CNTNAP4: variants seen among roughly 807,000 people sequenced by gnomAD.
The protein encoded by CNTNAP4 is contactin associated protein family member 4, also known as contactin-associated protein-like 4.
CNTNAP4 carries 98 observed loss-of-function variants against 148.4 expected under a neutral mutation model. The observed-to-expected ratio is 0.66, with a 90% CI of 0.56 to 0.78. The LOEUF (loss-of-function observed/expected upper bound fraction) is 0.78. CNTNAP4 is among the 30% of genes least tolerant of loss of function. The pLI, the probability that CNTNAP4 is intolerant of heterozygous loss-of-function variation, is 0.00. For missense variants in CNTNAP4, 1,935 were observed against 1,565.6 expected, an observed-to-expected ratio of 1.24 and a Z score of -3.98; for synonymous variants, 730 against 565.1, an observed-to-expected ratio of 1.29 and a Z score of -4.14.
chr16:76,483,771 G>T (rs1365154928), intron 12 of CNTNAP4, among the ~76,000 whole-genome samples: 1 of 152,134 alleles, frequency 6.6e-6, no homozygotes, highest in East Asian at 1.9e-4. Flanking sequence ...CAGCTCTAAC[G>T]GGGTATGTGA....
intron 2 of CNTNAP4, among the ~76,000 whole-genome samples, chr16:76,323,291 A>G (rs1485922763): frequency 6.6e-6 from 1 of 151,752 alleles, no homozygotes; most frequent in African/African-American, 2.4e-5. Context: ...TTTATTTAAT[A>G]TTTTTACCTT....
intron 8 of CNTNAP4, among the ~76,000 whole-genome samples, chr16:76,457,254 A>G (rs1334087995): frequency 6.6e-6 from 1 of 152,240 alleles, no homozygotes; most frequent in Non-Finnish European, 1.5e-5. Context: ...AATCTAATTT[A>G]AAATTAGGTA....
intron 2 of CNTNAP4, among the ~76,000 whole-genome samples, chr16:76,341,121 C>T (rs1256069238): frequency 6.6e-6 from 1 of 152,170 alleles, no homozygotes; most frequent in Non-Finnish European, 1.5e-5. Flanking sequence ...CGTTCTTCAC[C>T]TCCTAGGTCA....
In CNTNAP4 at chr16:76,558,507, A is replaced by T. The variant is rs756282864; in HGVS notation, c.3751A>T (p.Ile1251Phe). ...CTCTCTAGGTCTGATAGCTGTTGTG[A>T]TTTTTATCTTGCTTTGCATCACTGC... ...AVIGGLIAVV[I>F]FILLCITAIA... Residue 1251 changes from isoleucine (I) to phenylalanine (F), a missense_variant, in exon 24 of 24, where the codon ATT (isoleucine) becomes TTT (phenylalanine). Coordinates refer to ENST00000611870, the MANE Select transcript of CNTNAP4 (RefSeq NM_033401.5). 1.2e-6 allele frequency: 2 copies of T among 1,605,226 alleles called. No homozygotes were observed. The highest frequency in any genetic ancestry group is 1.7e-6 in the Non-Finnish European group (2 of 1,173,482).
chr16:76,378,369 C>G (rs1370089803), intron 3 of CNTNAP4, among the ~76,000 whole-genome samples: 1 of 152,108 alleles, frequency 6.6e-6, no homozygotes, highest in East Asian at 1.9e-4. Flanking sequence ...GAAAACCAGG[C>G]CTCCACATGT....
chr16:76,455,460 C>T (rs538586036), intron 8 of CNTNAP4, among the ~76,000 whole-genome samples: 28 of 152,314 alleles, frequency 1.8e-4, no homozygotes, highest in African/African-American at 6.7e-4. Flanking sequence ...TGATTTGCTG[C>T]ACCCAGGAGA....
At chr16:76,307,079 A>C (rs570064174) in intron 1 of CNTNAP4, among the ~76,000 whole-genome samples, 2 of 152,338 alleles carry the variant, frequency 1.3e-5, no homozygotes, top group South Asian at 4.1e-4. Context: ...AACAATAACA[A>C]AAGTACTTCA....
chr16:76,529,347 G>A (rs745712116), intron 17 of CNTNAP4, among the ~76,000 whole-genome samples: 5 of 152,126 alleles, frequency 3.3e-5, no homozygotes, highest in Non-Finnish European at 7.4e-5. Flanking sequence ...GCTAATCAGT[G>A]TATTGAACAC....
intron 2 of CNTNAP4, among the ~76,000 whole-genome samples, chr16:76,328,488 A>G (rs1006430634): frequency 1.3e-5 from 2 of 152,240 alleles, no homozygotes; most frequent in African/African-American, 2.4e-5. Flanking sequence ...ACGCAACAAC[A>G]TGAAATGAAC....
intron 3 of CNTNAP4, among the ~76,000 whole-genome samples, chr16:76,423,101 C>G (rs999551026): frequency 5.3e-5 from 8 of 152,116 alleles, no homozygotes; most frequent in Non-Finnish European, 1.2e-4. Context: ...TAGGCCTTCA[C>G]CAGACACCGA....
chr16:76,458,994 T>C (rs1379998733), intron 8 of CNTNAP4, among the ~76,000 whole-genome samples: 1 of 152,222 alleles, frequency 6.6e-6, no homozygotes, highest in Non-Finnish European at 1.5e-5. Flanking sequence ...TTTCATCATA[T>C]TTTATAAAAG....
intron 1 of CNTNAP4, among the ~76,000 whole-genome samples, chr16:76,284,277 G>T (rs974310991): frequency 2.0e-5 from 3 of 151,848 alleles, no homozygotes; most frequent in African/African-American, 7.2e-5. Flanking sequence ...ATGTATGGAT[G>T]ATTGTTTTCA....
chr16:76,277,650 A>G lies in CNTNAP4; in HGVS notation c.-13A>G. 40 of 1,587,326 alleles carry G rather than the reference A, an allele frequency of 2.5e-5. No individual in the cohort carries two copies. Among genetic ancestry groups the G allele is most frequent in the Non-Finnish European group, 3.4e-5 (40 of 1,163,414 alleles). ...CTCTCAAGATCTTTTGGGGGAGCCC[A>G]ATAAATGTGAACATGGGATCTGTCA... On this transcript the variant is annotated 5_prime_UTR_variant, in exon 1 of 24. Coordinates refer to ENST00000611870, the MANE Select transcript of CNTNAP4 (RefSeq NM_033401.5).
At chr16:76,518,740 G>A (rs72799046) in intron 15 of CNTNAP4, among the ~76,000 whole-genome samples, 6,622 of 152,144 alleles carry the variant, frequency 0.044, 208 homozygotes, top group Middle Eastern at 0.099. Flanking sequence ...AAATACAAAC[G>A]ACAATGTTCT....
chr16:76,311,739 A>G (rs8046546), intron 1 of CNTNAP4, among the ~76,000 whole-genome samples: 1 of 151,846 alleles, frequency 6.6e-6, no homozygotes, highest in Non-Finnish European at 1.5e-5. Flanking sequence ...CTGCATTTTT[A>G]ATTGTACAGA....
intron 3 of CNTNAP4, among the ~76,000 whole-genome samples, chr16:76,399,273 C>T (rs2078320341): frequency 6.6e-6 from 1 of 152,124 alleles, no homozygotes; most frequent in Non-Finnish European, 1.5e-5. Flanking sequence ...TTCTGAGTTT[C>T]AGTTCTCTCA....
chr16:76,476,742 A>G (rs1320084024), intron 11 of CNTNAP4, among the ~76,000 whole-genome samples: 1 of 152,116 alleles, frequency 6.6e-6, no homozygotes, highest in East Asian at 1.9e-4. Context: ...AATCCCACTC[A>G]TGAGGGCTTC....
intron 1 of CNTNAP4, among the ~76,000 whole-genome samples, chr16:76,289,105 G>A (rs528035295): frequency 2.4e-4 from 37 of 151,654 alleles, no homozygotes; most frequent in Non-Finnish European, 3.7e-4. Context: ...AATTTGATAG[G>A]CCACTACATC....
chr16:76,519,679 G>A (rs1336432497), intron 15 of CNTNAP4, among the ~76,000 whole-genome samples: 2 of 152,126 alleles, frequency 1.3e-5, no homozygotes, highest in African/African-American at 2.4e-5. Context: ...GAGATCCAAA[G>A]GTCTAGTACA....
Sources: allele counts gnomAD v4.1 joint callset (sites outside exome capture counted in the v4.1 genomes callset), GRCh38; gene constraint gnomAD v4.1.1; transcripts MANE v1.5; gene names NCBI Gene and HGNC (gene_info 2026-07-23, HGNC 2026-07-21).